Variants in WDR24 observed in about 807,000 individuals in gnomAD.
WDR24 encodes GATOR2 complex protein WDR24.
WDR24 carries 32 observed loss-of-function variants against 66.7 expected under a neutral mutation model. The observed-to-expected ratio is 0.48, with a 90% CI of 0.36 to 0.64. The LOEUF (loss-of-function observed/expected upper bound fraction) is 0.64, where lower values mean the gene tolerates loss of function less well. Among genes scored for constraint, WDR24 ranks in the 30% least tolerant of loss-of-function variants. WDR24 has a pLI of 0.00. For missense variants in WDR24, 978 were observed against 1,144.1 expected (o/e 0.85, Z 2.09); for synonymous variants, 565 against 469.1 (o/e 1.20, Z -2.64).
Position 685,366 on chromosome 16 carries a change from A to G in WDR24, c.1910T>C (p.Val637Ala). 1 of 1,612,002 alleles carries G rather than the reference A, an allele frequency of 6.2e-7. No homozygotes were observed. Among genetic ancestry groups the G allele is most frequent in the Non-Finnish European group, 8.5e-7 (1 of 1,179,864 alleles). Residue 637 changes from valine (V) to alanine (A), a missense_variant, in exon 7 of 9, where the codon GTG (valine) becomes GCG (alanine). This residue lies in a region of WDR24 where 676 missense variants were observed against 617.5 expected (regional missense o/e 1.09). Transcript: ENST00000293883. Reference sequence around the variant, plus strand: ...AGCGTAGAAGTGCAGCATGTCGCGCACCAGCACGCCGAAGAAGTCGGGCGG... The same window carrying G: ...AGCGTAGAAGTGCAGCATGTCGCGCGCCAGCACGCCGAAGAAGTCGGGCGG... ...RLPPDFFGVL[V>A]RDMLHFYAEQ...
chr16:687,119 C>T lies in WDR24; in HGVS notation c.957G>A (p.Lys319=). 1 of 1,611,418 alleles carries T rather than the reference C, an allele frequency of 6.2e-7. No individual in the cohort carries two copies. The highest frequency in any genetic ancestry group is 1.7e-5 in the Admixed American group (1 of 59,984). Reference sequence around the variant, plus strand: ...ACAGGTGCTGGCACAGCGAGCTGTCCTTGGAGCCAGACAGCAGGAAGGAGG... The same window carrying T: ...ACAGGTGCTGGCACAGCGAGCTGTCTTTGGAGCCAGACAGCAGGAAGGAGG... ...HDPSFLLSGS[K]DSSLCQHLFR... The change falls in exon 3 of 9, where the codon AAG becomes AAA. Residue 319 remains lysine, a synonymous_variant. Transcript: ENST00000293883.
At position 685,116 on chromosome 16, in the gene WDR24, T is replaced by C. The variant is rs2039873699; in HGVS notation, c.2080A>G (p.Asn694Asp). ...CTGGTGCTCAGCTTGACCACCTCGTTGGACACGTTCCAGAGGCGGAAGCGC... is the reference window on the plus strand; with the variant it reads ...CTGGTGCTCAGCTTGACCACCTCGTCGGACACGTTCCAGAGGCGGAAGCGC... The part of the protein sequence containing the change: ...LQRFRLWNVS[N>D]EVVKLSTSRA... The change falls in exon 8 of 9, where the codon AAC becomes GAC. Residue 694 changes from asparagine to aspartate, a missense_variant. Physicochemically the swap from Asn to Asp is conservative, Grantham distance 23 (BLOSUM62 1). Coordinates refer to ENST00000293883, the MANE Select transcript of WDR24 (RefSeq NM_032259.4). 1 of 1,558,816 alleles carries C rather than the reference T, an allele frequency of 6.4e-7. No individual in the cohort carries two copies. The highest frequency in any genetic ancestry group is 8.7e-7 in the Non-Finnish European group (1 of 1,152,098).
rs1457344214 is a variant in WDR24 at position 687,336 on chromosome 16, C to T, written c.740G>A (p.Cys247Tyr). 7 of 1,608,508 alleles carry T rather than the reference C, an allele frequency of 4.4e-6. No individual in the cohort carries two copies. The highest frequency in any genetic ancestry group is 5.9e-6 in the Non-Finnish European group (7 of 1,177,812). The part of the protein sequence containing the change: ...MTTHRAKEMH[C>Y]VQTIASVARV... Reference sequence around the variant, plus strand: ...GGCCACCGAGGCGATGGTCTGCACACAGTGCATCTCCTTGGCACGGTGCGT... The same window carrying T: ...GGCCACCGAGGCGATGGTCTGCACATAGTGCATCTCCTTGGCACGGTGCGT... Residue 247 changes from cysteine (C) to tyrosine (Y), a missense_variant, in exon 3 of 9, where the codon TGT becomes TAT. Around this residue, in one of 2 missense-constraint regions of WDR24, gnomAD observed 302 missense variants for 526.6 expected, o/e 0.57. Coordinates refer to ENST00000293883, the MANE Select transcript of WDR24 (RefSeq NM_032259.4).
In WDR24 at chr16:686,949, G is replaced by T; in HGVS notation, c.1127C>A (p.Pro376His). ...GTCCAGCTTGCGCTTAAAGAAGATG[G>T]GGTGGCGCCGGTCGCCAGTGTAGGG... is the stretch of plus-strand genomic sequence containing the variant. ...RKPYTGDRRH[P>H]IFFKRKLDPA... The change falls in exon 3 of 9, where the codon CCC becomes CAC. Residue 376 changes from proline (P) to histidine (H), a missense_variant. By Grantham distance (77) the Pro-to-His change is moderately conservative. Coordinates refer to ENST00000293883, the MANE Select transcript of WDR24 (RefSeq NM_032259.4). 6.2e-7 allele frequency: 1 copy of T among 1,600,988 alleles called. No homozygotes were observed. Among genetic ancestry groups the T allele is most frequent in the Non-Finnish European group, 8.5e-7 (1 of 1,177,030 alleles).
chr16:688,102 G>T (rs775503802), intron 1 of WDR24: 1 of 472,660 alleles, frequency 2.1e-6, no homozygotes, highest in Non-Finnish European at 4.2e-6. Context: ...CCCTGTGGGA[G>T]GCCCAAGGAG....
chr16:687,776 G>GC (rs772604936), intron 1 of WDR24, 37 bp from the exon 2 acceptor site: 4 of 1,600,746 alleles, frequency 2.5e-6, no homozygotes, highest in Non-Finnish European at 3.4e-6. Context: ...AAGTGACGGG[G>GC]CTGGCCCATG....
chr16:687,694 T>C lies in WDR24; in HGVS notation c.527A>G (p.Tyr176Cys). The C allele has an allele frequency of 6.2e-7, 1 of 1,613,570 alleles. No homozygotes were observed. Among genetic ancestry groups the C allele is most frequent in the Non-Finnish European group, 8.5e-7 (1 of 1,180,000 alleles). The change falls in exon 2 of 9, where the codon TAC becomes TGC. Residue 176 changes from tyrosine (Y) to cysteine (C), a missense_variant. Coordinates refer to ENST00000293883, the MANE Select transcript of WDR24 (RefSeq NM_032259.4). ...CTCAAAGGTGGAGGCGAAGGTGAAGTAGTCCCGGATACTGAACTGCACGTC... is the reference window on the plus strand; with the variant it reads ...CTCAAAGGTGGAGGCGAAGGTGAAGCAGTCCCGGATACTGAACTGCACGTC... Reference protein sequence around the residue: ...VRDVQFSIRDYFTFASTFENG... With the variant: ...VRDVQFSIRDCFTFASTFENG...
Position 684,710 on chromosome 16 carries a change from C to T in WDR24, c.*24G>A. 1 of 1,561,234 alleles carries T rather than the reference C, an allele frequency of 6.4e-7. No individual in the cohort carries two copies. Among genetic ancestry groups the T allele is most frequent in the South Asian group, 1.2e-5 (1 of 85,876 alleles). ...AGGCGGGGTTCTGCACGCGGCCGCC[C>T]GGGCAAGCCCAGCAGATGCCCCGTC... is the stretch of plus-strand genomic sequence containing the variant. On this transcript the variant is annotated 3_prime_UTR_variant, in exon 9 of 9. Transcript: ENST00000293883.
At chr16:687,877 G>A (rs753100984) in intron 1 of WDR24, 138 bp from the exon 2 acceptor site, 7 of 1,182,840 alleles carry the variant, frequency 5.9e-6, no homozygotes, top group Non-Finnish European at 8.5e-6. Context: ...ACATCCCCAA[G>A]ATCTGCCCAA....
Position 685,582 on chromosome 16 carries a change from C to T in WDR24, c.1694G>A (p.Cys565Tyr), listed in dbSNP as rs746374273. 7 of 1,595,728 alleles carry T rather than the reference C, an allele frequency of 4.4e-6. No homozygotes were observed. Among genetic ancestry groups the T allele is most frequent in the African/African-American group, 1.3e-5 (1 of 74,764 alleles). ...PEHAHPEDPE[C>Y]VLPQEAFPLR... ...CGGAAAGGCCTCCTGCGGCAGCACG[C>T]ACTCAGGGTCCTCGGCTGGAAGGCA... The change falls in exon 7 of 9, where the codon TGC becomes TAC. Residue 565 changes from cysteine to tyrosine, a missense_variant. Transcript: ENST00000293883.
chr16:689,248 G>A lies in WDR24; in HGVS notation c.393C>T (p.Thr131=), dbSNP rs554975791. The A allele has an allele frequency of 1.7e-5, 27 of 1,614,006 alleles. No homozygotes were observed. The highest frequency in any genetic ancestry group is 1.6e-4 in the Middle Eastern group (1 of 6,062). ...RTVNKVCFHP[T]EAHVLLSGSQ... is the part of the protein sequence containing the mutation. ...AGCCACTGAGCAGCACGTGGGCTTC[G>A]GTGGGGTGGAAGCAGACTTTGTTTA... is the stretch of plus-strand genomic sequence containing the variant. The change falls in exon 1 of 9, where the codon ACC becomes ACT. Residue 131 remains threonine (T), a synonymous_variant. Coordinates refer to ENST00000293883, the MANE Select transcript of WDR24 (RefSeq NM_032259.4).
chr16:687,968 C>A, intron 1 of WDR24: 1 of 681,520 alleles, frequency 1.5e-6, no homozygotes, highest in South Asian at 1.5e-5. Flanking sequence ...TACTCCCGGG[C>A]GTCATTTGCC....
chr16:689,833 T>C lies in WDR24; in HGVS notation c.-193A>G. ...AATCAGCCTGACAGGCAAGCTCAAA[T>C]TCACTGGAGTCTGTCAGTCCAGCCC... On this transcript the variant is annotated 5_prime_UTR_variant, in exon 1 of 9. Coordinates refer to ENST00000293883, the MANE Select transcript of WDR24 (RefSeq NM_032259.4). 1.1e-6 allele frequency: 1 copy of C among 885,864 alleles called. No individual in the cohort carries two copies. The highest frequency in any genetic ancestry group is 1.8e-6 in the Non-Finnish European group (1 of 557,958). 54.9% of individuals were successfully genotyped at this position (885,864 alleles called of 1,614,324 possible). A position where few individuals can be genotyped will look rare whatever the true frequency, so the allele number is the denominator to read the frequency against.
intron 1 of WDR24, chr16:688,868 C>T (rs2039937984): frequency 2.2e-6 from 1 of 450,992 alleles, no homozygotes; most frequent in Non-Finnish European, 4.0e-6. Context: ...GCTCTCTGCT[C>T]ACCACCCAGG....
intron 1 of WDR24, chr16:688,075 A>G (rs1007934437): frequency 3.4e-5 from 17 of 497,004 alleles, no homozygotes; most frequent in African/African-American, 2.3e-4. Context: ...GCACCCAGCC[A>G]TCGCCCACTC....
chr16:688,827 G>A lies in WDR24; in HGVS notation c.481+333C>T, dbSNP rs117254413. The stretch of plus-strand genomic sequence containing the variant: ...GACCTCCTGCTATGAGGCAGCCTCT[G>A]TAGCTCCGACATGAGGGAAGGGAGT... On this transcript the variant is annotated intron_variant, in intron 1 of 8. Transcript: ENST00000293883. Among the ~76,000 whole-genome samples, 35 of 152,368 alleles carry A rather than the reference G, an allele frequency of 2.3e-4. No individual in the cohort carries two copies. In the East Asian group the frequency reaches 6.0e-3, roughly 26 times the overall value.
rs748609722 is a variant in WDR24 at position 689,479 on chromosome 16, G to A, written c.162C>T (p.Ile54=). 3.1e-6 allele frequency: 5 copies of A among 1,613,346 alleles called. No homozygotes were observed. The highest frequency in any genetic ancestry group is 1.6e-4 in the Middle Eastern group (1 of 6,084). Residue 54 remains isoleucine (I), a synonymous_variant, in exon 1 of 9, where the codon ATC becomes ATT. Transcript: ENST00000293883. ...AGRSIFKIYA[I]EEEQFVEKLN... ...GCTTTTCCACGAACTGTTCCTCCTC[G>A]ATGGCATAGATCTTGAAGATGCTAC...
Position 689,541 on chromosome 16 carries a change from C to T in WDR24, c.100G>A (p.Val34Met), listed in dbSNP as rs764791708. The change falls in exon 1 of 9, where the codon GTG (valine) becomes ATG (methionine). Residue 34 changes from valine (V) to methionine (M), a missense_variant. By Grantham distance (21) the Val-to-Met change is conservative (BLOSUM62 1). Transcript: ENST00000293883. ...HLDAPANAIS[V>M]CRDAAQVVVA... is the part of the protein sequence containing the mutation. ...ACCACCTGGGCTGCGTCGCGGCACA[C>T]ACTGATGGCATTGGCGGGAGCATCC... The T allele has an allele frequency of 1.1e-5, 17 of 1,613,152 alleles. No homozygotes were observed. Among genetic ancestry groups the T allele is most frequent in the Non-Finnish European group, 1.4e-5 (17 of 1,180,058 alleles).
chr16:687,439 A>C lies in WDR24; in HGVS notation c.660-23T>G, dbSNP rs375780549. 18 of 1,574,396 alleles carry C rather than the reference A, an allele frequency of 1.1e-5. 2 individuals carry two copies. The South Asian group carries it at 2.1e-4, about 18-fold the overall frequency. ...CCCCTGTGGGAAGAAGGTCCACCCA[A>C]ACCCTCAGTGGCCTTTCCTGCAGAG... On this transcript the variant is annotated intron_variant, in intron 2 of 8. Transcript: ENST00000293883.
Sources: gnomAD v4.1 joint callset for allele counts (sites outside exome capture counted in the v4.1 genomes callset) on GRCh38, gnomAD v4.1.1 for gene constraint, gnomAD v4.1.1 regional missense constraint, MANE v1.5 for transcripts, NCBI Gene and HGNC (gene_info 2026-07-23, HGNC 2026-07-21) for gene names.